The following PACSIN1 variants were observed in gnomAD, a reference collection of about 807,000 sequenced individuals.
The protein encoded by PACSIN1 is protein kinase C and casein kinase substrate in neurons 1, also known as protein kinase C and casein kinase substrate in neurons protein 1.
A neutral mutation model predicts 59.5 loss-of-function variants in PACSIN1; 15 were observed. The observed-to-expected ratio is 0.25, with a 90% CI of 0.17 to 0.39. The LOEUF (loss-of-function observed/expected upper bound fraction) is 0.39. Ranked by LOEUF, PACSIN1 falls within the 10% of genes least tolerant of loss-of-function variation. The probability of loss-of-function intolerance (pLI) is 1.00; values close to 1 mark genes in which losing one functional copy is unlikely to be tolerated. For synonymous variants in PACSIN1, 210 were observed against 220.6 expected, an observed-to-expected ratio of 0.95 and a Z score of 0.42; for missense variants, 420 against 580.2, an observed-to-expected ratio of 0.72 and a Z score of 2.84.
chr6:34,519,375 G>A (rs916635053), intron 1 of PACSIN1, among the ~76,000 whole-genome samples: 10 of 152,142 alleles, frequency 6.6e-5, no homozygotes, highest in Admixed American at 3.9e-4. Flanking sequence ...CAGGCTCCCT[G>A]GGGACTGCCT....
chr6:34,502,463 T>A (rs1438594053), intron 1 of PACSIN1, among the ~76,000 whole-genome samples: 2 of 131,194 alleles, frequency 1.5e-5, no homozygotes, highest in Admixed American at 1.5e-4. Context: ...AAGCCATCTT[T>A]TTTTTTTTTT....
intron 1 of PACSIN1, among the ~76,000 whole-genome samples, chr6:34,470,784 C>T (rs1314926835): frequency 1.3e-5 from 2 of 152,186 alleles, no homozygotes; most frequent in East Asian, 3.9e-4. Flanking sequence ...ATGCAGCATA[C>T]TCAGGTAATT....
Position 34,514,341 on chromosome 6 carries a change from G to T in PACSIN1, c.-63-11902G>T, listed in dbSNP as rs1767251781. Among the ~76,000 whole-genome samples, 1 of 152,064 alleles carries T rather than the reference G, an allele frequency of 6.6e-6. No individual in the cohort carries two copies. The highest frequency in any genetic ancestry group is 1.5e-5 in the Non-Finnish European group (1 of 68,012). On this transcript the variant is annotated intron_variant, in intron 1 of 9. Coordinates refer to ENST00000244458, the MANE Select transcript of PACSIN1 (RefSeq NM_020804.5). This position sits in a 1 kb window ranked among gnomAD's most constrained non-coding sequence, Gnocchi z 4.4. ...AATTCTTTTACAGCTGTGGCCCTCAGCTTCCAATCTGTCAAATGGGTATGA... is the reference window on the plus strand; with the variant it reads ...AATTCTTTTACAGCTGTGGCCCTCATCTTCCAATCTGTCAAATGGGTATGA...
chr6:34,514,257 C>T lies in PACSIN1; in HGVS notation c.-63-11986C>T, dbSNP rs150728134. Among the ~76,000 whole-genome samples the T allele has an allele frequency of 4.4e-3, 664 of 151,720 alleles. 7 individuals are homozygous for T. Among genetic ancestry groups the T allele is most frequent in the African/African-American group, 0.015 (624 of 41,306 alleles). On this transcript the variant is annotated intron_variant, in intron 1 of 9. Coordinates refer to ENST00000244458, the MANE Select transcript of PACSIN1 (RefSeq NM_020804.5). This position sits in a 1 kb window ranked among gnomAD's most constrained non-coding sequence, Gnocchi z 4.4. ...CAGCCATGGCCTGTGGGAGAAGTGT[C>T]GGAACTGGCATCACAAGGTCTCGGT...
At chr6:34,527,267 A>C in intron 2 of PACSIN1, 65 bp from the exon 3 acceptor site, 1 of 1,423,962 alleles carries the variant, frequency 7.0e-7, no homozygotes, top group Non-Finnish European at 9.3e-7. Flanking sequence ...GCCGTGCTGG[A>C]TGCGGCGGGC....
At chr6:34,492,574 G>C (rs962748516) in intron 1 of PACSIN1, among the ~76,000 whole-genome samples, 1 of 152,106 alleles carries the variant, frequency 6.6e-6, no homozygotes, top group African/African-American at 2.4e-5. Flanking sequence ...TAGACATGGG[G>C]TTTTGCCATG....
intron 1 of PACSIN1, among the ~76,000 whole-genome samples, chr6:34,505,685 G>A (rs1767102142): frequency 7.0e-6 from 1 of 142,890 alleles, no homozygotes; most frequent in Admixed American, 7.3e-5. Context: ...CCAGGCTGGA[G>A]TACAGTGGCA....
At position 34,534,157 on chromosome 6, in the gene PACSIN1, C is replaced by A; in HGVS notation, c.*1627C>A. On this transcript the variant is annotated 3_prime_UTR_variant, in exon 10 of 10. Transcript: ENST00000244458. ...CCCAGCCCTGTTTCCCCTCAGTCCT[C>A]CTTTGCTCCTGCTGCTTCTCCCAAC... 1 of 153,008 alleles carries A rather than the reference C, an allele frequency of 6.5e-6. No individual in the cohort carries two copies. 9.5% of individuals were successfully genotyped at this position (153,008 alleles called of 1,614,324 possible).
In PACSIN1 at chr6:34,521,860, A is replaced by G. The variant is rs1767398599; in HGVS notation, c.-63-4383A>G. On this transcript the variant is annotated intron_variant, in intron 1 of 9. Coordinates refer to ENST00000244458, the MANE Select transcript of PACSIN1 (RefSeq NM_020804.5). This position sits in a 1 kb window ranked among gnomAD's most constrained non-coding sequence, Gnocchi z 4.3. ...GATGCGGACGCCGAGGCCTGGGAAGAGGGAGAGAGCCACACACGGTCTCAC... is the reference window on the plus strand; with the variant it reads ...GATGCGGACGCCGAGGCCTGGGAAGGGGGAGAGAGCCACACACGGTCTCAC... Among the ~76,000 whole-genome samples, 1 of 152,162 alleles carries G rather than the reference A, an allele frequency of 6.6e-6. No individual in the cohort carries two copies. Among genetic ancestry groups the G allele is most frequent in the Admixed American group, 6.5e-5 (1 of 15,270 alleles).
At chr6:34,485,670 C>T (rs976411952) in intron 1 of PACSIN1, among the ~76,000 whole-genome samples, 3 of 152,114 alleles carry the variant, frequency 2.0e-5, no homozygotes, top group Non-Finnish European at 2.9e-5. Flanking sequence ...GCCACGGCCC[C>T]GATGAGATCC....
At chr6:34,528,912 T>TGGGGGG in intron 4 of PACSIN1, 35 bp downstream of exon 4, 1 of 464,332 alleles carries the variant, frequency 2.2e-6, no homozygotes, top group Non-Finnish European at 4.2e-6. Flanking sequence ...CGGGGTGGGG[T>TGGGGGG]GGGCCCGTCT....
chr6:34,482,368 G>A (rs944647275), intron 1 of PACSIN1, among the ~76,000 whole-genome samples: 1 of 152,000 alleles, frequency 6.6e-6, no homozygotes, highest in Non-Finnish European at 1.5e-5. Context: ...TTACAGGTGT[G>A]AGCCACTGCG....
chr6:34,506,407 G>T (rs1431258569), intron 1 of PACSIN1, among the ~76,000 whole-genome samples: 1 of 152,070 alleles, frequency 6.6e-6, no homozygotes, highest in Non-Finnish European at 1.5e-5. Context: ...TAGAGACAGG[G>T]TCTCACTATA....
At chr6:34,499,480 T>A (rs1434803027) in intron 1 of PACSIN1, among the ~76,000 whole-genome samples, 1 of 151,454 alleles carries the variant, frequency 6.6e-6, no homozygotes. Flanking sequence ...AGAACTAAAT[T>A]TTTTAAATTC....
rs780419099 is a variant in PACSIN1, at chr6:34,529,509, A to G, written c.569A>G (p.Lys190Arg). 16 of 1,614,068 alleles carry G rather than the reference A, an allele frequency of 9.9e-6. No homozygotes were observed. Among genetic ancestry groups the G allele is most frequent in the Non-Finnish European group, 1.3e-5 (15 of 1,180,050 alleles). Residue 190 changes from lysine (K) to arginine (R), a missense_variant, in exon 5 of 10, where the codon AAG (lysine) becomes AGG (arginine). By Grantham distance (26) the Lys-to-Arg change is conservative. Transcript: ENST00000244458. This position sits in a 1 kb window ranked among gnomAD's most constrained non-coding sequence, Gnocchi z 6.3. Reference sequence around the variant, plus strand: ...TCGGTCACACCTGAGCAGCAAAAGAAGCTGCAGGACAAAGTGGACAAGTGC... The same window carrying G: ...TCGGTCACACCTGAGCAGCAAAAGAGGCTGCAGGACAAAGTGGACAAGTGC... The part of the protein sequence containing the change: ...EQSVTPEQQK[K>R]LQDKVDKCKQ...
At chr6:34,508,966 A>C (rs922413979) in intron 1 of PACSIN1, among the ~76,000 whole-genome samples, 2 of 152,166 alleles carry the variant, frequency 1.3e-5, no homozygotes, top group Non-Finnish European at 2.9e-5. Context: ...TCAGCAGGTT[A>C]CGTTTTCACT....
chr6:34,470,228 G>C (rs1353450916), intron 1 of PACSIN1, among the ~76,000 whole-genome samples: 2 of 152,066 alleles, frequency 1.3e-5, no homozygotes, highest in Admixed American at 1.3e-4. Flanking sequence ...TGTTACCCAG[G>C]CTGGAGTGCA....
chr6:34,505,006 A>G (rs1479966942), intron 1 of PACSIN1, among the ~76,000 whole-genome samples: 10 of 149,488 alleles, frequency 6.7e-5, no homozygotes, highest in Admixed American at 6.7e-4. Context: ...ATTATTTTAG[A>G]TTTTTTTTTA....
chr6:34,491,935 C>T (rs1455792709), intron 1 of PACSIN1, among the ~76,000 whole-genome samples: 2 of 152,108 alleles, frequency 1.3e-5, no homozygotes, highest in Non-Finnish European at 2.9e-5. Flanking sequence ...TAATCCACCA[C>T]ATTGATTCCC....
Sources: allele counts gnomAD v4.1 joint callset (sites outside exome capture counted in the v4.1 genomes callset), GRCh38; gene constraint gnomAD v4.1.1; non-coding constraint Gnocchi (gnomAD v3.1); transcripts MANE v1.5; gene names NCBI Gene and HGNC (gene_info 2026-07-23, HGNC 2026-07-21).